CRACD: variants seen among roughly 807,000 people sequenced by gnomAD.
CRACD encodes capping protein-inhibiting regulator of actin dynamics.
CRACD carries 56 observed loss-of-function variants against 106.8 expected under a neutral mutation model. The observed-to-expected ratio is 0.52, with a 90% CI of 0.42 to 0.66. CRACD has a LOEUF of 0.66. CRACD is among the 30% of genes least tolerant of loss of function. The pLI is 0.00. For synonymous variants in CRACD, 754 were observed against 670.8 expected (o/e 1.12, Z -1.92); for missense variants, 1,730 against 1,623.2 (o/e 1.07, Z -1.13).
At chr4:56,051,876 A>G (rs748391899) in intron 1 of CRACD, among the ~76,000 whole-genome samples, 1 of 152,202 alleles carries the variant, frequency 6.6e-6, no homozygotes, top group Non-Finnish European at 1.5e-5. Context: ...CAGGTGATTT[A>G]ATCTAAGCCT....
intron 1 of CRACD, among the ~76,000 whole-genome samples, chr4:56,161,187 TA>T (rs1357041381): frequency 6.6e-6 from 1 of 152,218 alleles, no homozygotes; most frequent in Non-Finnish European, 1.5e-5. Flanking sequence ...TGTTTGTTTT[TA>T]TAGGAAGATC....
At chr4:56,319,923 C>T (rs1360492685) in intron 8 of CRACD, among the ~76,000 whole-genome samples, 1 of 152,072 alleles carries the variant, frequency 6.6e-6, no homozygotes, top group Non-Finnish European at 1.5e-5. Flanking sequence ...CCTATAATCC[C>T]ACAGTTTGGG....
intron 2 of CRACD, among the ~76,000 whole-genome samples, chr4:56,186,607 A>T (rs1000305827): frequency 2.0e-5 from 3 of 152,054 alleles, no homozygotes; most frequent in Non-Finnish European, 4.4e-5. Context: ...CATGCCAGAC[A>T]TTGTGCTGAG....
intron 1 of CRACD, among the ~76,000 whole-genome samples, chr4:56,050,599 T>C (rs1436638011): frequency 6.6e-6 from 1 of 152,212 alleles, no homozygotes; most frequent in African/African-American, 2.4e-5. Context: ...CCTTCACTAC[T>C]GTCTCCTTTA....
intron 2 of CRACD, among the ~76,000 whole-genome samples, chr4:56,237,300 T>A (rs1740035491): frequency 6.6e-6 from 1 of 152,124 alleles, no homozygotes; most frequent in African/African-American, 2.4e-5. Context: ...GAAACCAATA[T>A]GCATTAATAT....
At chr4:56,311,083 TC>T in intron 6 of CRACD, 1 of 198,510 alleles carries the variant, frequency 5.0e-6, no homozygotes, top group Middle Eastern at 2.0e-3. Flanking sequence ...AGGAAACGAG[TC>T]CTCTTATATT....
chr4:56,314,260 T>C lies in CRACD; in HGVS notation c.758T>C (p.Leu253Pro), dbSNP rs776826285. 17 of 1,569,676 alleles carry C rather than the reference T, an allele frequency of 1.1e-5. No homozygotes were observed. The highest frequency in any genetic ancestry group is 1.4e-5 in the Non-Finnish European group (16 of 1,156,794). ...AEKRRLEEQRLQALERRLWEE... is the reference protein window; with the variant it reads ...AEKRRLEEQRPQALERRLWEE... Reference sequence around the variant, plus strand: ...AAGAGACGCCTAGAGGAGCAGAGGCTGCAGGCGCTGGAGAGGAGGCTTTGG... The same window carrying C: ...AAGAGACGCCTAGAGGAGCAGAGGCCGCAGGCGCTGGAGAGGAGGCTTTGG... The change falls in exon 8 of 11, where the codon CTG (leucine) becomes CCG (proline). Residue 253 changes from leucine to proline, a missense_variant. Leu to Pro is a moderately conservative substitution (Grantham distance 98, BLOSUM62 -3). Transcript: ENST00000682029. This position sits in a 1 kb window ranked among gnomAD's most constrained non-coding sequence, Gnocchi z 4.4.
chr4:56,129,656 C>A (rs566792232), intron 1 of CRACD, among the ~76,000 whole-genome samples: 2 of 152,278 alleles, frequency 1.3e-5, no homozygotes, highest in Admixed American at 1.3e-4. Context: ...GTTTAGCACG[C>A]TTTTATGGAA....
rs369222092 is a variant in CRACD, at chr4:56,285,214, A to G, written c.-17+12722A>G. ...AACAGCATGAGGGAAATCCACCCCCATGATCCAATCACCTCCCACCAGGCC... is the reference window on the plus strand; with the variant it reads ...AACAGCATGAGGGAAATCCACCCCCGTGATCCAATCACCTCCCACCAGGCC... On this transcript the variant is annotated intron_variant, in intron 3 of 10. Coordinates refer to ENST00000682029, the MANE Select transcript of CRACD (RefSeq NM_001393381.1). Among the ~76,000 whole-genome samples the G allele has an allele frequency of 7.2e-5, 11 of 152,122 alleles. No homozygotes were observed. The East Asian group carries it at 1.7e-3, about 24-fold the overall frequency.
chr4:56,206,147 A>G (rs1029980114), intron 2 of CRACD, among the ~76,000 whole-genome samples: 3 of 152,230 alleles, frequency 2.0e-5, no homozygotes, highest in Non-Finnish European at 2.9e-5. Context: ...ATGAATTAAT[A>G]TGTGCCCGTT....
intron 1 of CRACD, among the ~76,000 whole-genome samples, chr4:56,109,669 A>T (rs934691331): frequency 2.4e-4 from 36 of 152,214 alleles, no homozygotes; most frequent in African/African-American, 8.4e-4. Flanking sequence ...AATTTCTGCA[A>T]ACTTTTTGTA....
At chr4:56,257,678 C>T (rs1189560234) in intron 2 of CRACD, among the ~76,000 whole-genome samples, 1 of 151,984 alleles carries the variant, frequency 6.6e-6, no homozygotes, top group Non-Finnish European at 1.5e-5. Context: ...AGTGTAAAGC[C>T]CTGCAAAACT....
At chr4:56,121,511 G>A (rs758080984) in intron 1 of CRACD, among the ~76,000 whole-genome samples, 5 of 152,140 alleles carry the variant, frequency 3.3e-5, no homozygotes, top group Non-Finnish European at 5.9e-5. Context: ...GGGAGTGATG[G>A]TGTGCACCTG....
intron 1 of CRACD, among the ~76,000 whole-genome samples, chr4:56,143,385 T>G (rs1212305911): frequency 6.6e-6 from 1 of 152,114 alleles, no homozygotes; most frequent in Non-Finnish European, 1.5e-5. Flanking sequence ...TCTTACTGCA[T>G]CTCAGCTAAA....
intron 1 of CRACD, among the ~76,000 whole-genome samples, chr4:56,051,354 CCT>C (rs1731867290): frequency 6.6e-6 from 1 of 152,168 alleles, no homozygotes; most frequent in Non-Finnish European, 1.5e-5. Context: ...TTGGTGACCT[CCT>C]TTTTCAGTCA....
intron 3 of CRACD, among the ~76,000 whole-genome samples, chr4:56,297,277 T>C (rs1299689262): frequency 6.6e-6 from 1 of 152,020 alleles, no homozygotes; most frequent in East Asian, 2.0e-4. Context: ...CCTCATTGTC[T>C]GGTAGAAGTC....
chr4:56,314,563 G>T lies in CRACD; in HGVS notation c.1061G>T (p.Cys354Phe). 2.0e-6 allele frequency: 3 copies of T among 1,511,506 alleles called. No individual in the cohort carries two copies. The highest frequency in any genetic ancestry group is 2.5e-5 in the East Asian group (1 of 40,586). 93.6% of individuals were successfully genotyped at this position (1,511,506 alleles called of 1,614,324 possible). Residue 354 changes from cysteine (C) to phenylalanine (F), a missense_variant, in exon 8 of 11, where the codon TGC becomes TTC. Physicochemically the swap from Cys to Phe is radical, Grantham distance 205. Transcript: ENST00000682029. This position sits in a 1 kb window ranked among gnomAD's most constrained non-coding sequence, Gnocchi z 4.4. The part of the protein sequence containing the change: ...RRRQEEEEGR[C>F]AEELKRQEEE... ...CGGCAGGAGGAGGAGGAAGGAAGAT[G>T]CGCGGAGGAGCTCAAAAGGCAGGAG...
intron 2 of CRACD, among the ~76,000 whole-genome samples, chr4:56,268,743 C>A (rs1323052729): frequency 6.6e-6 from 1 of 152,126 alleles, no homozygotes; most frequent in Non-Finnish European, 1.5e-5. Flanking sequence ...ACCTGTGGTG[C>A]CTTACAGAAT....
At chr4:56,299,938 A>G (rs1744270354) in intron 4 of CRACD, among the ~76,000 whole-genome samples, 1 of 152,086 alleles carries the variant, frequency 6.6e-6, no homozygotes, top group African/African-American at 2.4e-5. Flanking sequence ...GGAGATCGAG[A>G]CCATCCTGGC....
Sources: allele counts gnomAD v4.1 joint callset (sites outside exome capture counted in the v4.1 genomes callset), GRCh38; gene constraint gnomAD v4.1.1; non-coding constraint Gnocchi (gnomAD v3.1); transcripts MANE v1.5; gene names NCBI Gene and HGNC (gene_info 2026-07-23, HGNC 2026-07-21).